Variants in CYP2C19 observed in about 807,000 individuals in gnomAD.
The protein encoded by CYP2C19 is cytochrome P450 2C19.
A neutral mutation model predicts 40.9 loss-of-function variants in CYP2C19; 59 were observed. That is an observed-to-expected ratio of 1.44 (90% CI 1.17 to 1.79). CYP2C19 has a LOEUF of 1.79. CYP2C19 is among the 40% of genes most tolerant of loss of function. The probability of loss-of-function intolerance (pLI) is 0.00; values close to 1 mark genes in which losing one functional copy is unlikely to be tolerated. For synonymous variants in CYP2C19, 253 were observed against 208.7 expected, an observed-to-expected ratio of 1.21 and a Z score of -1.83; for missense variants, 754 against 596.9, an observed-to-expected ratio of 1.26 and a Z score of -2.74.
At chr10:94,813,206 A>T (rs1848952096) in intron 5 of CYP2C19, among the ~76,000 whole-genome samples, 1 of 152,102 alleles carries the variant, frequency 6.6e-6, no homozygotes, top group South Asian at 2.1e-4. Context: ...AGGCCACAGA[A>T]CAGCAAAGAT....
chr10:94,772,416 A>G (rs1052301566), intron 1 of CYP2C19, among the ~76,000 whole-genome samples: 1 of 152,158 alleles, frequency 6.6e-6, no homozygotes, highest in Non-Finnish European at 1.5e-5. Context: ...CACCAGAGAC[A>G]GGCAGTGGTT....
chr10:94,817,953 C>A (rs990266598), intron 5 of CYP2C19, among the ~76,000 whole-genome samples: 3 of 138,880 alleles, frequency 2.2e-5, no homozygotes, highest in African/African-American at 8.2e-5. Context: ...GCGGAGCTTG[C>A]AGTGAGCCGA....
chr10:94,852,246 G>A (rs1258457994), intron 8 of CYP2C19, among the ~76,000 whole-genome samples: 3 of 151,850 alleles, frequency 2.0e-5, no homozygotes, highest in Non-Finnish European at 4.4e-5. Context: ...AAAGTGAGGG[G>A]GTAACATGTT....
intron 5 of CYP2C19, among the ~76,000 whole-genome samples, chr10:94,816,321 A>G (rs1308693203): frequency 1.3e-5 from 2 of 150,594 alleles, no homozygotes; most frequent in African/African-American, 4.9e-5. Context: ...TTGTTTATGC[A>G]AAACAAAGTA....
At chr10:94,780,129 C>G (rs1848461782) in intron 3 of CYP2C19, among the ~76,000 whole-genome samples, 1 of 152,142 alleles carries the variant, frequency 6.6e-6, no homozygotes, top group African/African-American at 2.4e-5. Flanking sequence ...CAACTATTCT[C>G]ACCCTTTCTA....
At chr10:94,775,281 C>T in intron 2 of CYP2C19, 61 bp downstream of exon 2, 14 of 1,613,020 alleles carry the variant, frequency 8.7e-6, no homozygotes, top group Admixed American at 1.7e-5. Flanking sequence ...GGAAAACAGA[C>T]TAGCAGAGCT....
chr10:94,771,727 C>T (rs144558674), intron 1 of CYP2C19, among the ~76,000 whole-genome samples: 1 of 152,144 alleles, frequency 6.6e-6, no homozygotes, highest in East Asian at 1.9e-4. Context: ...TGCAACAGTC[C>T]CTGGACCCTG....
At chr10:94,835,475 G>T (rs1194086450) in intron 6 of CYP2C19, among the ~76,000 whole-genome samples, 1 of 152,140 alleles carries the variant, frequency 6.6e-6, no homozygotes, top group Non-Finnish European at 1.5e-5. Flanking sequence ...TGGTTTCCCG[G>T]AGGGGATTAC....
At chr10:94,842,045 G>T (rs1229150195) in intron 6 of CYP2C19, among the ~76,000 whole-genome samples, 1 of 152,156 alleles carries the variant, frequency 6.6e-6, no homozygotes, top group Non-Finnish European at 1.5e-5. Flanking sequence ...ATATCTCCTT[G>T]TTGATTTTCT....
intron 6 of CYP2C19, among the ~76,000 whole-genome samples, chr10:94,824,243 G>A (rs1015502660): frequency 6.6e-6 from 1 of 152,132 alleles, no homozygotes; most frequent in Admixed American, 6.6e-5. Flanking sequence ...TCTGGAAAAA[G>A]CAGTGTGGAA....
chr10:94,812,252 T>A (rs567470448), intron 5 of CYP2C19, among the ~76,000 whole-genome samples: 5 of 152,366 alleles, frequency 3.3e-5, no homozygotes, highest in Admixed American at 3.3e-4. Context: ...ATGCTGTTAG[T>A]CTGACAGGCT....
intron 6 of CYP2C19, among the ~76,000 whole-genome samples, chr10:94,834,075 G>A (rs1479260820): frequency 2.6e-5 from 4 of 152,134 alleles, no homozygotes; most frequent in Admixed American, 6.6e-5. Flanking sequence ...AGTAGGGTTG[G>A]TATTAGTTCT....
At chr10:94,797,146 A>G (rs1589357260) in intron 5 of CYP2C19, among the ~76,000 whole-genome samples, 1 of 152,028 alleles carries the variant, frequency 6.6e-6, no homozygotes, top group Admixed American at 6.5e-5. Context: ...AATAGCTCTT[A>G]TTATTTTTAG....
intron 5 of CYP2C19, among the ~76,000 whole-genome samples, chr10:94,791,156 G>A (rs1459088324): frequency 1.3e-5 from 2 of 152,168 alleles, no homozygotes; most frequent in Admixed American, 1.3e-4. Context: ...TATTTGCGTA[G>A]AGGTGTTTAT....
chr10:94,776,751 T>C (rs1437070844), intron 3 of CYP2C19, among the ~76,000 whole-genome samples: 1 of 152,160 alleles, frequency 6.6e-6, no homozygotes, highest in African/African-American at 2.4e-5. Flanking sequence ...AAGACAAAGA[T>C]GCCCTCTCTC....
intron 1 of CYP2C19, among the ~76,000 whole-genome samples, chr10:94,770,664 C>G (rs907733407): frequency 1.6e-4 from 25 of 152,128 alleles, no homozygotes; most frequent in African/African-American, 5.8e-4. Context: ...AGTTGGGTGA[C>G]AGGGGAGTAT....
At chr10:94,836,701 G>A (rs1849408801) in intron 6 of CYP2C19, among the ~76,000 whole-genome samples, 1 of 152,198 alleles carries the variant, frequency 6.6e-6, no homozygotes, top group Non-Finnish European at 1.5e-5. Flanking sequence ...GGGCCCTGGT[G>A]CCTTTGGATA....
At chr10:94,807,457 C>T (rs181637211) in intron 5 of CYP2C19, among the ~76,000 whole-genome samples, 56 of 152,094 alleles carry the variant, frequency 3.7e-4, no homozygotes, top group Admixed American at 2.2e-3. Flanking sequence ...TTTAGTTCTT[C>T]GAGGATTCTT....
At chr10:94,846,961 C>T (rs1368594473) in intron 7 of CYP2C19, among the ~76,000 whole-genome samples, 1 of 152,118 alleles carries the variant, frequency 6.6e-6, no homozygotes, top group Non-Finnish European at 1.5e-5. Flanking sequence ...TGTTACCATT[C>T]TAGAAGACGT....
Sources: gnomAD v4.1 joint callset for allele counts (sites outside exome capture counted in the v4.1 genomes callset) on GRCh38, gnomAD v4.1.1 for gene constraint, MANE v1.5 for transcripts, NCBI Gene and HGNC (gene_info 2026-07-23, HGNC 2026-07-21) for gene names.